DYM: variants seen among roughly 807,000 people sequenced by gnomAD.
DYM encodes dyggve-Melchior-Clausen syndrome protein.
DYM carries 78 observed loss-of-function variants against 93.1 expected under a neutral mutation model. The ratio of observed to expected loss-of-function variants is 0.84; its 90% CI spans 0.70 to 1.01. DYM has a LOEUF of 1.01. Ranked by LOEUF, DYM falls within the 50% of genes least tolerant of loss-of-function variation. The probability of loss-of-function intolerance (pLI) is 0.00; values close to 1 mark genes in which losing one functional copy is unlikely to be tolerated. For synonymous variants in DYM, 321 were observed against 319.7 expected, an observed-to-expected ratio of 1.00 and a Z score of -0.04; for missense variants, 789 against 845.0, an observed-to-expected ratio of 0.93 and a Z score of 0.82.
chr18:49,254,241 T>C (rs1276564997), intron 13 of DYM, among the ~76,000 whole-genome samples: 4 of 149,768 alleles, frequency 2.7e-5, no homozygotes, highest in African/African-American at 9.8e-5. Context: ...TAATAATATA[T>C]ATTTCATATA....
At chr18:49,069,860 G>A (rs1023281071) in intron 17 of DYM, among the ~76,000 whole-genome samples, 4 of 152,194 alleles carry the variant, frequency 2.6e-5, no homozygotes, top group African/African-American at 9.7e-5. Context: ...GACCAACATG[G>A]TGAAACCCCA....
chr18:49,434,162 G>A (rs568465333), intron 1 of DYM, among the ~76,000 whole-genome samples: 3 of 152,016 alleles, frequency 2.0e-5, no homozygotes, highest in Non-Finnish European at 4.4e-5. Flanking sequence ...TGGCCAACAT[G>A]GTGAAACCCC....
intron 17 of DYM, among the ~76,000 whole-genome samples, chr18:49,070,732 T>A (rs73957588): frequency 0.012 from 1,866 of 152,294 alleles, 30 homozygotes; most frequent in African/African-American, 0.042. Context: ...AGTTGCTCAA[T>A]CAATACTAGT....
intron 14 of DYM, among the ~76,000 whole-genome samples, chr18:49,195,796 A>T (rs1404500254): frequency 6.6e-6 from 1 of 152,222 alleles, no homozygotes; most frequent in Non-Finnish European, 1.5e-5. Context: ...CACAAATTCA[A>T]GAAGACTTAG....
intron 6 of DYM, chr18:49,360,007 T>G (rs2065885148): frequency 6.6e-6 from 1 of 152,202 alleles, no homozygotes; most frequent in African/African-American, 2.4e-5. Flanking sequence ...CATCAGAAAT[T>G]GTTTCAGCAG....
chr18:49,358,616 G>C (rs1471177165), intron 6 of DYM, among the ~76,000 whole-genome samples: 1 of 152,166 alleles, frequency 6.6e-6, no homozygotes, highest in Non-Finnish European at 1.5e-5. Context: ...ATCAGGGCCA[G>C]ACTAAAAATT....
chr18:49,273,033 T>C (rs551376666), intron 10 of DYM, among the ~76,000 whole-genome samples: 1 of 152,072 alleles, frequency 6.6e-6, no homozygotes. Context: ...AAATCTATCA[T>C]CTAAATCAGA....
Position 49,118,019 on chromosome 18 carries a change from TTG to T in DYM, c.1911+723_1911+724del, listed in dbSNP as rs1555767053. Among the ~76,000 whole-genome samples, 341 of 134,968 alleles carry T rather than the reference TTG, an allele frequency of 2.5e-3. 10 individuals are homozygous for T. Among genetic ancestry groups the T allele is most frequent in the Middle Eastern group, 8.1e-3 (2 of 246 alleles). 88.5% of individuals were successfully genotyped at this position (134,968 alleles called of 152,430 possible). A position where few individuals can be genotyped will look rare whatever the true frequency, so the allele number is the denominator to read the frequency against. On this transcript the variant is annotated intron_variant, in intron 16 of 17. Transcript: ENST00000675505. ...GCCTTTTTTTTTTTTTTTTTTTTTT[TTG>T]TGTGTGAGACGGAGTTTTACTCTCG...
At chr18:49,457,965 C>T (rs2083144939) in intron 1 of DYM, among the ~76,000 whole-genome samples, 1 of 152,188 alleles carries the variant, frequency 6.6e-6, no homozygotes. Flanking sequence ...CTGGAAGAGG[C>T]ATAGATGCCC....
At chr18:49,278,790 T>C (rs564287572) in intron 10 of DYM, among the ~76,000 whole-genome samples, 3 of 152,172 alleles carry the variant, frequency 2.0e-5, no homozygotes, top group Non-Finnish European at 4.4e-5. Context: ...GATAACATCA[T>C]TCAGCCCCTA....
chr18:49,137,272 C>G (rs530071415), intron 15 of DYM, among the ~76,000 whole-genome samples: 1 of 152,182 alleles, frequency 6.6e-6, no homozygotes, highest in Non-Finnish European at 1.5e-5. Context: ...TCACACTTGG[C>G]AAGTAGTAAC....
chr18:49,052,532 C>T (rs1240096429), intron 17 of DYM, among the ~76,000 whole-genome samples: 1 of 152,228 alleles, frequency 6.6e-6, no homozygotes, highest in Non-Finnish European at 1.5e-5. Flanking sequence ...TCACTCTTTC[C>T]TTTATGTCCC....
intron 15 of DYM, among the ~76,000 whole-genome samples, chr18:49,145,127 ATATATATAATT>A (rs1387458973): frequency 8.8e-6 from 1 of 113,958 alleles, no homozygotes; most frequent in Non-Finnish European, 1.8e-5. Context: ...ATATATATAT[ATATATATAATT>A]TATATATATA....
At chr18:49,318,864 G>A (rs1599390268) in intron 8 of DYM, among the ~76,000 whole-genome samples, 1 of 136,716 alleles carries the variant, frequency 7.3e-6, no homozygotes, top group Non-Finnish European at 1.5e-5. Flanking sequence ...GCAGTGGCAC[G>A]ATCTCGGCTC....
intron 1 of DYM, among the ~76,000 whole-genome samples, chr18:49,437,851 C>G (rs2080997618): frequency 6.6e-6 from 1 of 152,120 alleles, no homozygotes; most frequent in South Asian, 2.1e-4. Context: ...TGACTGTTTT[C>G]TATTGGTTTA....
chr18:49,352,283 T>C lies in DYM; in HGVS notation c.494+10878A>G, dbSNP rs1329720553. On this transcript the variant is annotated intron_variant, in intron 6 of 17. Transcript: ENST00000675505. ...GTGCTGAAAATGTTCCGGTATTAGATAATGGTGATGGTTGTACAATTTTGT... is the reference window on the plus strand; with the variant it reads ...GTGCTGAAAATGTTCCGGTATTAGACAATGGTGATGGTTGTACAATTTTGT... Among the ~76,000 whole-genome samples the C allele has an allele frequency of 2.0e-5, 3 of 152,354 alleles. No individual in the cohort carries two copies. In the East Asian group the frequency reaches 5.8e-4, roughly 29 times the overall value.
intron 13 of DYM, among the ~76,000 whole-genome samples, chr18:49,240,326 C>A (rs1328813023): frequency 6.6e-6 from 1 of 152,034 alleles, no homozygotes; most frequent in Non-Finnish European, 1.5e-5. Context: ...AGAATTTTTT[C>A]ATATGTCAGT....
chr18:49,203,151 G>A, intron 14 of DYM, among the ~76,000 whole-genome samples: 1 of 83,024 alleles, frequency 1.2e-5, no homozygotes, highest in Non-Finnish European at 2.5e-5. Flanking sequence ...CCTCTGCCCG[G>A]CCAGCCGCCC....
chr18:49,392,397 A>G (rs1438217431), intron 2 of DYM, among the ~76,000 whole-genome samples: 7 of 152,204 alleles, frequency 4.6e-5, no homozygotes, highest in Non-Finnish European at 7.4e-5. Context: ...TACTATCTAC[A>G]GAGTGAAAAG....
Sources: allele counts gnomAD v4.1 joint callset (sites outside exome capture counted in the v4.1 genomes callset), GRCh38; gene constraint gnomAD v4.1.1; transcripts MANE v1.5; gene names NCBI Gene and HGNC (gene_info 2026-07-23, HGNC 2026-07-21).